The following FHAD1 variants were observed in gnomAD, a reference collection of about 807,000 sequenced individuals.
FHAD1 encodes the protein forkhead-associated domain-containing protein 1.
A neutral mutation model predicts 191.3 loss-of-function variants in FHAD1; 146 were observed. That is an observed-to-expected ratio of 0.76 (90% CI 0.67 to 0.88). FHAD1 has a LOEUF of 0.88. Among genes scored for constraint, FHAD1 ranks in the 40% least tolerant of loss-of-function variants. FHAD1 has a pLI of 0.00. For missense variants in FHAD1, 1,635 were observed against 1,785.8 expected, an observed-to-expected ratio of 0.92 and a Z score of 1.52; for synonymous variants, 616 against 672.3, an observed-to-expected ratio of 0.92 and a Z score of 1.29.
At chr1:15,266,771 C>T (rs556172245) in intron 2 of FHAD1, among the ~76,000 whole-genome samples, 1 of 152,312 alleles carries the variant, frequency 6.6e-6, no homozygotes, top group East Asian at 1.9e-4. Context: ...TCCCCTGACC[C>T]CTGGCAACCA....
intron 32 of FHAD1, among the ~76,000 whole-genome samples, chr1:15,389,811 A>G (rs576388285): frequency 2.0e-5 from 3 of 152,354 alleles, no homozygotes; most frequent in East Asian, 3.9e-4. Flanking sequence ...TGAATTTCAG[A>G]TAAATAACAA....
chr1:15,257,521 G>T (rs545174231), intron 2 of FHAD1, among the ~76,000 whole-genome samples: 3 of 152,290 alleles, frequency 2.0e-5, no homozygotes, highest in East Asian at 3.9e-4. Context: ...GGACGCGCCC[G>T]TTCACCTTCC....
chr1:15,366,884 C>G (rs1200899540), intron 24 of FHAD1, among the ~76,000 whole-genome samples: 1 of 152,186 alleles, frequency 6.6e-6, no homozygotes, highest in African/African-American at 2.4e-5. Flanking sequence ...TCTACTCTCC[C>G]TCAAGCCAAA....
intron 10 of FHAD1, among the ~76,000 whole-genome samples, chr1:15,319,368 A>G (rs1352913922): frequency 6.6e-6 from 1 of 152,254 alleles, no homozygotes; most frequent in African/African-American, 2.4e-5. Context: ...TTGGCCAGAC[A>G]TAAGTAGACT....
At chr1:15,313,012 C>A in intron 7 of FHAD1, 45 bp from the exon 8 acceptor site, 2 of 1,547,286 alleles carry the variant, frequency 1.3e-6, no homozygotes, top group South Asian at 2.4e-5. Context: ...CGATGACAGT[C>A]ATCCTCACTG....
chr1:15,294,938 G>A (rs914763401), intron 4 of FHAD1, among the ~76,000 whole-genome samples: 2 of 152,106 alleles, frequency 1.3e-5, no homozygotes, highest in African/African-American at 4.8e-5. Flanking sequence ...TACAGGTGAG[G>A]GAGGAAGAAT....
In FHAD1 at chr1:15,311,236, C is replaced by T. The variant is rs145491197; in HGVS notation, c.1040-1821C>T. ...TGAGTTTGCTGGGTGGCGTGCCAGG[C>T]GGGAGGGGGCTGCACGGAGAGCACC... On this transcript the variant is annotated intron_variant, in intron 7 of 33. Coordinates refer to ENST00000688493, the MANE Select transcript of FHAD1 (RefSeq NM_001391957.1). This position sits in a 1 kb window ranked among gnomAD's most constrained non-coding sequence, Gnocchi z 4.1. 2.6e-5 allele frequency among the ~76,000 whole-genome samples: 4 copies of T among 151,996 alleles called. No individual in the cohort carries two copies. The highest frequency in any genetic ancestry group is 7.2e-5 in the African/African-American group (3 of 41,386).
At position 15,387,995 on chromosome 1, in the gene FHAD1, G is replaced by A. The variant is rs1040925388; in HGVS notation, c.4189-56G>A. The A allele has an allele frequency of 6.9e-6, 7 of 1,008,386 alleles. No homozygotes were observed. In the East Asian group the frequency reaches 1.8e-4, roughly 26 times the overall value. 62.5% of individuals were successfully genotyped at this position (1,008,386 alleles called of 1,614,324 possible). On this transcript the variant is annotated intron_variant, in intron 31 of 33. Transcript: ENST00000688493. ...TCAGAGGCCTGTCCCAGATTGGAAC[G>A]GGTAAGGACACACTAAGGTTAGCAC...
intron 28 of FHAD1, among the ~76,000 whole-genome samples, chr1:15,376,124 C>G (rs1699592299): frequency 6.7e-6 from 1 of 149,566 alleles, no homozygotes; most frequent in Admixed American, 6.7e-5. Flanking sequence ...GAGTCTCGCT[C>G]TGTCACCCAG....
intron 7 of FHAD1, among the ~76,000 whole-genome samples, chr1:15,309,883 C>G (rs1020377059): frequency 2.6e-5 from 4 of 152,034 alleles, no homozygotes; most frequent in Non-Finnish European, 4.4e-5. Context: ...AGCACAGGTG[C>G]AAAGGCCCCG....
At chr1:15,373,430 T>G (rs1698683346) in intron 26 of FHAD1, among the ~76,000 whole-genome samples, 1 of 150,828 alleles carries the variant, frequency 6.6e-6, no homozygotes, top group African/African-American at 2.5e-5. Context: ...GAGAATCGCT[T>G]GAACCCGGGA....
chr1:15,308,778 C>A, intron 7 of FHAD1, 42 bp downstream of exon 7: 4 of 1,550,356 alleles, frequency 2.6e-6, no homozygotes, highest in Non-Finnish European at 3.5e-6. Flanking sequence ...CACTCCCGCA[C>A]CCGTTGTTCT....
rs779433683 is a variant in FHAD1 at position 15,317,948 on chromosome 1, C to T, written c.1365+20C>T. ...AGCAAGGTACGTAGTGGACAACAGG[C>T]CCAGAGAGTGGTGTGGGCGGTAGCT... On this transcript the variant is annotated intron_variant, in intron 10 of 33. Coordinates refer to ENST00000688493, the MANE Select transcript of FHAD1 (RefSeq NM_001391957.1). 13 of 1,485,668 alleles carry T rather than the reference C, an allele frequency of 8.8e-6. No individual in the cohort carries two copies. Among genetic ancestry groups the T allele is most frequent in the Non-Finnish European group, 1.2e-5 (13 of 1,087,362 alleles). The allele number at this position is 1,485,668 out of a possible 1,614,324, so 92.0% of individuals were successfully genotyped here.
intron 24 of FHAD1, 36 bp from the exon 25 acceptor site, chr1:15,367,427 C>T (rs1437200546): frequency 6.5e-7 from 1 of 1,541,650 alleles, no homozygotes; most frequent in African/African-American, 1.4e-5. Context: ...ACCCGGGAGG[C>T]AGAGACCCCC....
intron 19 of FHAD1, among the ~76,000 whole-genome samples, chr1:15,350,205 C>T (rs940079511): frequency 3.9e-5 from 6 of 152,276 alleles, no homozygotes; most frequent in African/African-American, 1.2e-4. Context: ...CCACAGACAC[C>T]GCAGTGAGCA....
At chr1:15,280,888 C>G (rs1315239034) in intron 3 of FHAD1, among the ~76,000 whole-genome samples, 2 of 152,154 alleles carry the variant, frequency 1.3e-5, no homozygotes, top group African/African-American at 4.8e-5. Flanking sequence ...TAAGATGGGC[C>G]AGAATGCACT....
At chr1:15,400,985 A>G (rs1298184095), downstream of FHAD1, among the ~76,000 whole-genome samples, 2 of 152,236 alleles carry the variant, frequency 1.3e-5, no homozygotes, top group African/African-American at 4.8e-5. Context: ...AGCTGAATAC[A>G]TTCCCAGCTG....
intron 31 of FHAD1, 78 bp downstream of exon 31, chr1:15,382,271 G>A: frequency 7.1e-7 from 1 of 1,414,538 alleles, no homozygotes; most frequent in Non-Finnish European, 9.6e-7. Context: ...GGTGGTCCCT[G>A]GAGGATCCAG....
intron 28 of FHAD1, among the ~76,000 whole-genome samples, chr1:15,379,567 C>T (rs201280988): frequency 6.6e-6 from 1 of 152,264 alleles, no homozygotes; most frequent in South Asian, 2.1e-4. Context: ...AGACCCTTTA[C>T]GGGTGTCTGG....
Sources: allele counts gnomAD v4.1 joint callset (sites outside exome capture counted in the v4.1 genomes callset), GRCh38; gene constraint gnomAD v4.1.1; non-coding constraint Gnocchi (gnomAD v3.1); transcripts MANE v1.5; gene names NCBI Gene and HGNC (gene_info 2026-07-23, HGNC 2026-07-21).